UVRAG: variants seen among roughly 807,000 people sequenced by gnomAD.
The protein encoded by UVRAG is UV radiation resistance-associated gene protein.
UVRAG carries 19 observed loss-of-function variants against 78.0 expected under a neutral mutation model. The observed-to-expected ratio is 0.24, with a 90% CI of 0.17 to 0.36. The LOEUF is 0.36. Among genes scored for constraint, UVRAG ranks in the 10% least tolerant of loss-of-function variants. The pLI, the probability that UVRAG is intolerant of heterozygous loss-of-function variation, is 1.00. For missense variants in UVRAG, 740 were observed against 853.8 expected, an observed-to-expected ratio of 0.87 and a Z score of 1.66; for synonymous variants, 323 against 324.6, an observed-to-expected ratio of 1.00 and a Z score of 0.05.
In UVRAG at chr11:75,876,829, A is replaced by T. The variant is rs557754172; in HGVS notation, c.271-3050A>T. ...TTTACATTCAGCAGTGAAAGCCCTT[A>T]TGTTTTTTTTTTATTTTTTATTTTT... On this transcript the variant is annotated intron_variant, in intron 3 of 14. Transcript: ENST00000356136. Among the ~76,000 whole-genome samples the T allele has an allele frequency of 4.0e-5, 6 of 151,316 alleles. No homozygotes were observed. The South Asian group carries it at 1.3e-3, about 32-fold the overall frequency.
Position 76,076,711 on chromosome 11 carries a change from G to A in UVRAG, c.1305+10923G>A, listed in dbSNP as rs185512084. ...TTTCTAATGGCTAATGATGTTGAGT[G>A]TCATTACTCTTTTATGTACTTATTG... On this transcript the variant is annotated intron_variant, in intron 13 of 14. Transcript: ENST00000356136. 4.6e-5 allele frequency among the ~76,000 whole-genome samples: 7 copies of A among 152,208 alleles called. No homozygotes were observed. The East Asian group carries it at 7.7e-4, about 17-fold the overall frequency.
chr11:76,028,944 C>T (rs1489334725), intron 12 of UVRAG, among the ~76,000 whole-genome samples: 1 of 152,088 alleles, frequency 6.6e-6, no homozygotes, highest in African/African-American at 2.4e-5. Context: ...AAGAAAATGC[C>T]ATCTAGGACT....
chr11:76,098,173 ATAAAT>A (rs1951820713), intron 13 of UVRAG, among the ~76,000 whole-genome samples: 2 of 152,318 alleles, frequency 1.3e-5, no homozygotes, highest in East Asian at 1.9e-4. Context: ...AAAATTAATA[ATAAAT>A]TAAGTAGAAA....
In UVRAG at chr11:76,143,818, T is replaced by C. The variant is rs1038289526; in HGVS notation, c.*2405T>C. Among the ~76,000 whole-genome samples the C allele has an allele frequency of 6.6e-6, 1 of 152,362 alleles. No individual in the cohort carries two copies. ...ATTATCTCCTACTAACCTTTTAGTT[T>C]TGTAAATCACTAAGAAAATTGTTTG... On this transcript the variant is annotated 3_prime_UTR_variant, in exon 15 of 15. Transcript: ENST00000356136.
At chr11:75,944,392 G>A (rs559300080) in intron 6 of UVRAG, among the ~76,000 whole-genome samples, 12 of 152,308 alleles carry the variant, frequency 7.9e-5, no homozygotes, top group African/African-American at 2.6e-4. Flanking sequence ...GCAAGATGAA[G>A]AGGTGTAAGC....
chr11:75,914,444 C>T (rs1460098220), intron 6 of UVRAG: 1 of 152,160 alleles, frequency 6.6e-6, no homozygotes, highest in East Asian at 1.9e-4. Flanking sequence ...TGCCACTTAA[C>T]TCTATAAAAT....
chr11:76,015,872 C>A (rs753837949), intron 11 of UVRAG, among the ~76,000 whole-genome samples: 6 of 152,172 alleles, frequency 3.9e-5, no homozygotes, highest in Non-Finnish European at 8.8e-5. Flanking sequence ...TCTTCTCTAG[C>A]CAGATGGGAT....
At chr11:75,908,157 A>G (rs1165401010) in intron 5 of UVRAG, among the ~76,000 whole-genome samples, 1 of 151,782 alleles carries the variant, frequency 6.6e-6, no homozygotes, top group Non-Finnish European at 1.5e-5. Flanking sequence ...GGTACCTCAT[A>G]TGAATGAATG....
At position 75,979,320 on chromosome 11, in the gene UVRAG, G is replaced by T. The variant is rs192189982; in HGVS notation, c.700-4067G>T. Among the ~76,000 whole-genome samples, 864 of 152,330 alleles carry T rather than the reference G, an allele frequency of 5.7e-3. 9 individuals are homozygous for T. The highest frequency in any genetic ancestry group is 0.019 in the African/African-American group (805 of 41,572). ...TGCCTCCCAGTTAGGCTACTTGGGGGTCAGGGACCCACTTGAGGAGGCAGT... is the reference window on the plus strand; with the variant it reads ...TGCCTCCCAGTTAGGCTACTTGGGGTTCAGGGACCCACTTGAGGAGGCAGT... On this transcript the variant is annotated intron_variant, in intron 7 of 14. Coordinates refer to ENST00000356136, the MANE Select transcript of UVRAG (RefSeq NM_003369.4).
chr11:75,853,265 T>A (rs1002193270), intron 2 of UVRAG, among the ~76,000 whole-genome samples: 13 of 152,052 alleles, frequency 8.5e-5, no homozygotes, highest in South Asian at 2.1e-4. Flanking sequence ...CAACTTTTTT[T>A]AATGTCAATT....
chr11:76,026,557 A>C (rs967348772), intron 12 of UVRAG, among the ~76,000 whole-genome samples: 10 of 152,032 alleles, frequency 6.6e-5, no homozygotes, highest in African/African-American at 2.4e-4. Flanking sequence ...TTCATTTCCA[A>C]CTCTCTTCTG....
chr11:76,005,743 G>A (rs1182854161), intron 9 of UVRAG, among the ~76,000 whole-genome samples: 3 of 152,226 alleles, frequency 2.0e-5, no homozygotes, highest in Non-Finnish European at 4.4e-5. Flanking sequence ...TTTAAATAGA[G>A]GTTCCCATAA....
chr11:75,933,413 A>G (rs1413278351), intron 6 of UVRAG, among the ~76,000 whole-genome samples: 1 of 152,216 alleles, frequency 6.6e-6, no homozygotes, highest in Non-Finnish European at 1.5e-5. Flanking sequence ...ATTAAAAGAA[A>G]ATATTGGGGA....
intron 8 of UVRAG, among the ~76,000 whole-genome samples, chr11:75,986,198 T>C (rs1310675526): frequency 6.6e-6 from 1 of 152,174 alleles, no homozygotes; most frequent in Non-Finnish European, 1.5e-5. Context: ...GAAAATGATA[T>C]ATGCCTTTGT....
At chr11:75,950,564 C>G (rs1948671838) in intron 6 of UVRAG, among the ~76,000 whole-genome samples, 1 of 152,098 alleles carries the variant, frequency 6.6e-6, no homozygotes, top group African/African-American at 2.4e-5. Context: ...CACATTATAC[C>G]TGAGAGTGAA....
At chr11:76,083,114 A>G (rs970731416) in intron 13 of UVRAG, among the ~76,000 whole-genome samples, 19 of 152,246 alleles carry the variant, frequency 1.2e-4, no homozygotes, top group African/African-American at 4.6e-4. Context: ...TTTAAACTAA[A>G]ACAAAAAAGA....
In UVRAG at chr11:75,957,017, A is replaced by T. The variant is rs543456093; in HGVS notation, c.594-4427A>T. On this transcript the variant is annotated intron_variant, in intron 6 of 14. Transcript: ENST00000356136. ...CAGTCTATGGACTGTTTTTTTTTTT[A>T]AATTTTCCTAATGGGAGCTTTGTTA... Among the ~76,000 whole-genome samples, 831 of 149,190 alleles carry T rather than the reference A, an allele frequency of 5.6e-3. 8 individuals carry two copies. Among genetic ancestry groups the T allele is most frequent in the African/African-American group, 0.019 (770 of 40,640 alleles).
chr11:76,117,982 G>A (rs532278398), intron 14 of UVRAG, among the ~76,000 whole-genome samples: 105 of 152,304 alleles, frequency 6.9e-4, no homozygotes, highest in African/African-American at 2.5e-3. Flanking sequence ...GTTAGGGAAG[G>A]CTCTTCTTCA....
At chr11:75,873,155 C>T (rs1046226720) in intron 3 of UVRAG, among the ~76,000 whole-genome samples, 2 of 152,074 alleles carry the variant, frequency 1.3e-5, no homozygotes, top group Non-Finnish European at 2.9e-5. Context: ...ATAATTATAC[C>T]AGTAGTAAAA....
Sources: allele counts gnomAD v4.1 joint callset (sites outside exome capture counted in the v4.1 genomes callset), GRCh38; gene constraint gnomAD v4.1.1; transcripts MANE v1.5; gene names NCBI Gene and HGNC (gene_info 2026-07-23, HGNC 2026-07-21).